XKR6: variants seen among roughly 807,000 people sequenced by gnomAD.
XKR6 encodes XK related 6, also known as XK-related protein 6.
XKR6 carries 22 observed loss-of-function variants against 56.7 expected under a neutral mutation model. The ratio of observed to expected loss-of-function variants is 0.39; its 90% CI spans 0.28 to 0.55. XKR6 has a LOEUF of 0.55. Ranked by LOEUF, XKR6 falls within the 20% of genes least tolerant of loss-of-function variation. The pLI, the probability that XKR6 is intolerant of heterozygous loss-of-function variation, is 0.66. For missense variants in XKR6, 852 were observed against 889.0 expected, an observed-to-expected ratio of 0.96 and a Z score of 0.53; for synonymous variants, 524 against 387.8, an observed-to-expected ratio of 1.35 and a Z score of -4.13.
intron 1 of XKR6, among the ~76,000 whole-genome samples, chr8:11,185,438 G>A (rs1585031977): frequency 6.6e-6 from 1 of 152,278 alleles, no homozygotes; most frequent in African/African-American, 2.4e-5. Flanking sequence ...ACTTCAAATT[G>A]CAGTTTCTAA....
chr8:10,927,264 G>A (rs1239329270), intron 1 of XKR6, among the ~76,000 whole-genome samples: 3 of 152,106 alleles, frequency 2.0e-5, no homozygotes, highest in Non-Finnish European at 2.9e-5. Flanking sequence ...GCAGGGCTGC[G>A]TGCCCAGATC....
At chr8:11,187,609 T>C (rs1273816091) in intron 1 of XKR6, among the ~76,000 whole-genome samples, 1 of 151,958 alleles carries the variant, frequency 6.6e-6, no homozygotes. Context: ...GAGAAAGACT[T>C]AGAAAAAAAC....
chr8:11,099,770 G>A (rs908457739), intron 1 of XKR6, among the ~76,000 whole-genome samples: 6 of 152,190 alleles, frequency 3.9e-5, no homozygotes, highest in African/African-American at 1.2e-4. Context: ...TATATTTAGC[G>A]GAGGAGACAA....
intron 1 of XKR6, among the ~76,000 whole-genome samples, chr8:11,123,172 G>A (rs528272882): frequency 6.6e-6 from 1 of 150,920 alleles, no homozygotes; most frequent in African/African-American, 2.4e-5. Flanking sequence ...GGGAGGTGGA[G>A]GTCGCAGTGA....
intron 1 of XKR6, among the ~76,000 whole-genome samples, chr8:11,080,663 T>C (rs1797685951): frequency 6.6e-6 from 1 of 152,222 alleles, no homozygotes; most frequent in Non-Finnish European, 1.5e-5. Flanking sequence ...GAGGTCTCTG[T>C]TGAGCACTGG....
At chr8:10,926,008 G>C (rs540410888) in intron 1 of XKR6, among the ~76,000 whole-genome samples, 1 of 152,294 alleles carries the variant, frequency 6.6e-6, no homozygotes, top group Non-Finnish European at 1.5e-5. Context: ...CTGGGTGCCA[G>C]CGGCAGTGGG....
chr8:10,928,770 C>T (rs1039383882), intron 1 of XKR6, among the ~76,000 whole-genome samples: 1 of 152,196 alleles, frequency 6.6e-6, no homozygotes, highest in Non-Finnish European at 1.5e-5. Flanking sequence ...GCCATTCCTC[C>T]AAGCCCCCTC....
intron 1 of XKR6, among the ~76,000 whole-genome samples, chr8:10,958,289 CAG>C (rs1186383479): frequency 6.6e-6 from 1 of 152,268 alleles, no homozygotes; most frequent in Non-Finnish European, 1.5e-5. Context: ...GCCTGGGAAA[CAG>C]AGGCCTGAGT....
chr8:11,114,296 T>A (rs1799054180), intron 1 of XKR6, among the ~76,000 whole-genome samples: 1 of 152,206 alleles, frequency 6.6e-6, no homozygotes, highest in Non-Finnish European at 1.5e-5. Flanking sequence ...ACAACTGAAA[T>A]CCAAGTTGGT....
At chr8:11,069,251 A>T (rs1349946297) in intron 1 of XKR6, among the ~76,000 whole-genome samples, 1 of 152,076 alleles carries the variant, frequency 6.6e-6, no homozygotes, top group African/African-American at 2.4e-5. Context: ...AAAAAAAAAA[A>T]AAATCTACAT....
intron 1 of XKR6, among the ~76,000 whole-genome samples, chr8:10,928,911 A>G (rs962696683): frequency 2.0e-5 from 3 of 152,232 alleles, no homozygotes; most frequent in African/African-American, 4.8e-5. Context: ...CTGTCACGCC[A>G]TATCTGCCCT....
chr8:10,955,334 A>T (rs979310432), intron 1 of XKR6, among the ~76,000 whole-genome samples: 1 of 152,124 alleles, frequency 6.6e-6, no homozygotes, highest in Non-Finnish European at 1.5e-5. Flanking sequence ...CGACATGCCC[A>T]GCTAATTTTC....
chr8:11,028,076 G>C (rs1374937934), intron 1 of XKR6, among the ~76,000 whole-genome samples: 1 of 151,778 alleles, frequency 6.6e-6, no homozygotes, highest in Non-Finnish European at 1.5e-5. Flanking sequence ...TTAACATACA[G>C]AGCAGTTTCA....
At chr8:11,089,267 A>G (rs1191296364) in intron 1 of XKR6, among the ~76,000 whole-genome samples, 2 of 152,200 alleles carry the variant, frequency 1.3e-5, no homozygotes, top group African/African-American at 4.8e-5. Flanking sequence ...AGAAAACCTT[A>G]GAAACCTACT....
At chr8:11,155,036 AT>A (rs934733790) in intron 1 of XKR6, among the ~76,000 whole-genome samples, 4 of 152,238 alleles carry the variant, frequency 2.6e-5, no homozygotes, top group Non-Finnish European at 5.9e-5. Context: ...TGCGTTAGAG[AT>A]TAAAACAAAC....
At chr8:11,155,982 G>C (rs577846248) in intron 1 of XKR6, among the ~76,000 whole-genome samples, 18 of 152,142 alleles carry the variant, frequency 1.2e-4, no homozygotes, top group Non-Finnish European at 2.5e-4. Context: ...ACCTTTGCAG[G>C]AGCTATTTCA....
chr8:11,143,490 G>A (rs970868432), intron 1 of XKR6, among the ~76,000 whole-genome samples: 5 of 152,228 alleles, frequency 3.3e-5, no homozygotes, highest in African/African-American at 7.2e-5. Flanking sequence ...CCAGCAGAGC[G>A]CAGACTGAGA....
At chr8:11,179,821 A>G (rs940264397) in intron 1 of XKR6, among the ~76,000 whole-genome samples, 2 of 152,158 alleles carry the variant, frequency 1.3e-5, no homozygotes, top group African/African-American at 4.8e-5. Flanking sequence ...AAGGGAGAAA[A>G]CAGATTATAA....
At chr8:11,038,497 T>TTG (rs34388531) in intron 1 of XKR6, among the ~76,000 whole-genome samples, 20,917 of 129,758 alleles carry the variant, frequency 0.16, 1,692 homozygotes, top group East Asian at 0.27. Flanking sequence ...TGTAGTCATT[T>TTG]TGTGTGTGTG....
Sources: gnomAD v4.1 joint callset for allele counts (sites outside exome capture counted in the v4.1 genomes callset) on GRCh38, gnomAD v4.1.1 for gene constraint, MANE v1.5 for transcripts, NCBI Gene and HGNC (gene_info 2026-07-23, HGNC 2026-07-21) for gene names.